FREM1: variants seen among roughly 807,000 people sequenced by gnomAD.
FREM1 encodes the protein FRAS1 related extracellular matrix 1.
Under a neutral mutation model 210.1 loss-of-function variants are expected in FREM1, and 220 were observed. The ratio of observed to expected loss-of-function variants is 1.05; its 90% CI spans 0.94 to 1.17. The LOEUF (loss-of-function observed/expected upper bound fraction) is 1.17, where lower values mean the gene tolerates loss of function less well. Ranked by LOEUF, FREM1 falls within the 50% of genes most tolerant of loss-of-function variation. The probability of loss-of-function intolerance (pLI) is 0.00; values close to 1 mark genes in which losing one functional copy is unlikely to be tolerated. For synonymous variants in FREM1, 1,189 were observed against 980.2 expected, an observed-to-expected ratio of 1.21 and a Z score of -3.98; for missense variants, 3,454 against 2,675.5, an observed-to-expected ratio of 1.29 and a Z score of -6.42.
chr9:14,823,340 T>A lies in FREM1; in HGVS notation c.2170-13A>T. ...AGTTCACAGCATGCTGCAAAGTAAGTTGAGATGGATATGTGGGTGCTGACT... is the reference window on the plus strand; with the variant it reads ...AGTTCACAGCATGCTGCAAAGTAAGATGAGATGGATATGTGGGTGCTGACT... On this transcript the variant is annotated splice_polypyrimidine_tract_variant and intron_variant, in intron 12 of 36. Coordinates refer to ENST00000380880, the MANE Select transcript of FREM1 (RefSeq NM_001379081.2). 4 of 1,609,344 alleles carry A rather than the reference T, an allele frequency of 2.5e-6. No homozygotes were observed. Among genetic ancestry groups the A allele is most frequent in the Non-Finnish European group, 2.5e-6 (3 of 1,177,118 alleles).
intron 19 of FREM1, among the ~76,000 whole-genome samples, chr9:14,803,553 G>A (rs942911352): frequency 1.3e-5 from 2 of 151,950 alleles, no homozygotes; most frequent in Non-Finnish European, 2.9e-5. Context: ...ATTATTTGTA[G>A]AGATGGGGTT....
chr9:14,795,303 G>C (rs1484777550), intron 21 of FREM1, among the ~76,000 whole-genome samples: 2 of 152,208 alleles, frequency 1.3e-5, no homozygotes, highest in African/African-American at 2.4e-5. Flanking sequence ...CAGAGAGATT[G>C]AGAGAAGTTA....
intron 19 of FREM1, among the ~76,000 whole-genome samples, chr9:14,804,668 G>A (rs760473044): frequency 5.9e-5 from 9 of 152,200 alleles, no homozygotes; most frequent in East Asian, 5.8e-4. Flanking sequence ...CAGAAGCCCC[G>A]ACCCTAGGCA....
At chr9:14,770,341 T>G (rs931190561) in intron 26 of FREM1, among the ~76,000 whole-genome samples, 1 of 152,204 alleles carries the variant, frequency 6.6e-6, no homozygotes, top group Non-Finnish European at 1.5e-5. Context: ...TTATGTTCCT[T>G]TGAATATATT....
At chr9:14,894,266 T>A (rs116654969) in intron 1 of FREM1, among the ~76,000 whole-genome samples, 1,667 of 152,336 alleles carry the variant, frequency 0.011, 32 homozygotes, top group African/African-American at 0.038. Context: ...ACTCAGCATA[T>A]GTTATTAATG....
At position 14,766,911 on chromosome 9, in the gene FREM1, T is replaced by C. The variant is rs776895717; in HGVS notation, c.5204+2813A>G. On this transcript the variant is annotated intron_variant, in intron 27 of 36. Transcript: ENST00000380880. Reference sequence around the variant, plus strand: ...TTCTAATTAGAGGCAGGCTTTCTAATCCACCAAATGTTTCCGGGATACTTC... The same window carrying C: ...TTCTAATTAGAGGCAGGCTTTCTAACCCACCAAATGTTTCCGGGATACTTC... Among the ~76,000 whole-genome samples the C allele has an allele frequency of 3.3e-5, 5 of 152,208 alleles. 1 individual carries two copies. The highest frequency in any genetic ancestry group is 2.0e-4 in the Admixed American group (3 of 15,270).
At chr9:14,748,331 C>A (rs1842808485) in intron 31 of FREM1, 70 bp downstream of exon 31, 1 of 885,316 alleles carries the variant, frequency 1.1e-6, no homozygotes, top group Admixed American at 2.5e-5. Flanking sequence ...TTTCAGAATA[C>A]TTATTAATAT....
chr9:14,853,532 G>A (rs2131432532), intron 5 of FREM1, among the ~76,000 whole-genome samples: 1 of 152,302 alleles, frequency 6.6e-6, no homozygotes, highest in Non-Finnish European at 1.5e-5. Flanking sequence ...GATGCAGCTT[G>A]AGACATCTAC....
chr9:14,760,395 G>T (rs560912834), intron 27 of FREM1, among the ~76,000 whole-genome samples: 1 of 152,268 alleles, frequency 6.6e-6, no homozygotes, highest in South Asian at 2.1e-4. Context: ...TATTTTTGAG[G>T]ATGTGCTTGG....
intron 5 of FREM1, among the ~76,000 whole-genome samples, chr9:14,856,616 G>A (rs1403334194): frequency 2.0e-5 from 3 of 152,050 alleles, no homozygotes; most frequent in East Asian, 1.9e-4. Flanking sequence ...GGTGGATCAC[G>A]AGGTCAGGAG....
At position 14,770,624 on chromosome 9, in the gene FREM1, A is replaced by G. The variant is rs779441323; in HGVS notation, c.5040T>C (p.His1680=). The change falls in exon 26 of 37, where the codon CAT becomes CAC. Residue 1680 remains histidine (H), a synonymous_variant. Coordinates refer to ENST00000380880, the MANE Select transcript of FREM1 (RefSeq NM_001379081.2). ...FKILQGPKHG[H]LENTTTGEFI... is the part of the protein sequence containing the mutation. ...CAGTACCTGTTGTTGTGTTCTCCAGATGTCCATGTTTTGGGCCTTGTAGAA... is the reference window on the plus strand; with the variant it reads ...CAGTACCTGTTGTTGTGTTCTCCAGGTGTCCATGTTTTGGGCCTTGTAGAA... The G allele has an allele frequency of 3.1e-6, 5 of 1,612,800 alleles. No homozygotes were observed. Among genetic ancestry groups the G allele is most frequent in the East Asian group, 2.2e-5 (1 of 44,888 alleles).
intron 11 of FREM1, among the ~76,000 whole-genome samples, chr9:14,824,337 C>A (rs1821940395): frequency 1.3e-5 from 2 of 152,134 alleles, no homozygotes; most frequent in Admixed American, 1.3e-4. Context: ...TTTTGCTTGG[C>A]ATCATGTAAG....
At chr9:14,880,293 A>G (rs1354304177) in intron 1 of FREM1, among the ~76,000 whole-genome samples, 1 of 152,210 alleles carries the variant, frequency 6.6e-6, no homozygotes, top group Non-Finnish European at 1.5e-5. Flanking sequence ...AAGGAAAAGA[A>G]GAGCATGCAA....
chr9:14,895,846 C>T (rs1837622208), intron 1 of FREM1, among the ~76,000 whole-genome samples: 1 of 151,984 alleles, frequency 6.6e-6, no homozygotes, highest in African/African-American at 2.4e-5. Flanking sequence ...CCCTATTCAG[C>T]CTGAAGAAGT....
intron 15 of FREM1, among the ~76,000 whole-genome samples, chr9:14,815,709 A>C (rs1468004571): frequency 6.6e-6 from 1 of 152,078 alleles, no homozygotes; most frequent in Non-Finnish European, 1.5e-5. Context: ...GTGCAGTGGC[A>C]TGATCTCGGC....
chr9:14,894,220 C>G (rs958727989), intron 1 of FREM1, among the ~76,000 whole-genome samples: 2 of 152,136 alleles, frequency 1.3e-5, no homozygotes, highest in Non-Finnish European at 2.9e-5. Context: ...GGTATGTGTT[C>G]CAAAATAATG....
At chr9:14,781,760 G>A (rs543747478) in intron 24 of FREM1, among the ~76,000 whole-genome samples, 3 of 152,236 alleles carry the variant, frequency 2.0e-5, no homozygotes, top group Admixed American at 2.0e-4. Context: ...CTGGAGTGTA[G>A]TGGCACCATC....
At chr9:14,818,870 ACACAAGTTCAATTATGTACATTAGCCT>A (rs1236267210) in intron 14 of FREM1, among the ~76,000 whole-genome samples, 1 of 152,198 alleles carries the variant, frequency 6.6e-6, no homozygotes, top group African/African-American at 2.4e-5. Flanking sequence ...CTTCTCTGGG[ACACAAGTTCAATTATGTACATTAGCCT>A]CACAGATTAT....
At position 14,833,423 on chromosome 9, in the gene FREM1, G is replaced by A. The variant is rs1391285276; in HGVS notation, c.1881+8024C>T. On this transcript the variant is annotated intron_variant, in intron 10 of 36. Transcript: ENST00000380880. ...GTTCAGCCTACACCCAGGGATGGTC[G>A]AGGAGAGCTTAGGGGCTAAAAATAA... is the stretch of plus-strand genomic sequence containing the variant. Among the ~76,000 whole-genome samples the A allele has an allele frequency of 3.3e-5, 5 of 152,304 alleles. No individual in the cohort carries two copies. The South Asian group carries it at 6.2e-4, about 19-fold the overall frequency.
Sources: gnomAD v4.1 joint callset for allele counts (sites outside exome capture counted in the v4.1 genomes callset) on GRCh38, gnomAD v4.1.1 for gene constraint, MANE v1.5 for transcripts, NCBI Gene and HGNC (gene_info 2026-07-23, HGNC 2026-07-21) for gene names.